The following EYS variants were observed in gnomAD, a reference collection of about 807,000 sequenced individuals.
EYS encodes the protein EGF-like photoreceptor maintenance factor.
In EYS, 250 loss-of-function variants were observed where a neutral mutation model predicts 282.1. The ratio of observed to expected loss-of-function variants is 0.89; its 90% CI spans 0.80 to 0.98. The LOEUF (loss-of-function observed/expected upper bound fraction) is 0.98. Ranked by LOEUF, EYS falls within the 50% of genes least tolerant of loss-of-function variation. The probability of loss-of-function intolerance (pLI) is 0.00; values close to 1 mark genes in which losing one functional copy is unlikely to be tolerated. For synonymous variants in EYS, 1,355 were observed against 1,282.9 expected (o/e 1.06, Z -1.20); for missense variants, 4,016 against 3,709.0 (o/e 1.08, Z -2.15).
intron 12 of EYS, among the ~76,000 whole-genome samples, chr6:65,272,525 T>C (rs1220976126): frequency 6.6e-6 from 1 of 152,150 alleles, no homozygotes; most frequent in African/African-American, 2.4e-5. Flanking sequence ...AATCTAATCA[T>C]GTTCCAGAGT....
chr6:64,964,361 C>A (rs1220425024), intron 14 of EYS, among the ~76,000 whole-genome samples: 1 of 152,018 alleles, frequency 6.6e-6, no homozygotes, highest in Non-Finnish European at 1.5e-5. Context: ...ATTCCTTATT[C>A]CTTAAAGGAA....
chr6:65,463,735 T>A (rs1309441421), intron 5 of EYS, among the ~76,000 whole-genome samples: 1 of 152,182 alleles, frequency 6.6e-6, no homozygotes, highest in East Asian at 1.9e-4. Context: ...TATAATTATG[T>A]AAATGACAAC....
rs1271980725 is a variant in EYS, at chr6:65,558,680, C to T, written c.-332-62687G>A. 6.6e-5 allele frequency among the ~76,000 whole-genome samples: 10 copies of T among 152,184 alleles called. No individual in the cohort carries two copies. The South Asian group carries it at 1.0e-3, about 16-fold the overall frequency. ...AAGAATACAGCAAGAAACACAACTT[C>T]GGATATAGCAAAAAGAAAAATGGGA... On this transcript the variant is annotated intron_variant, in intron 2 of 42. Coordinates refer to ENST00000503581, the MANE Select transcript of EYS (RefSeq NM_001142800.2).
intron 36 of EYS, among the ~76,000 whole-genome samples, chr6:63,829,685 G>A (rs1055689442): frequency 1.3e-5 from 2 of 152,182 alleles, no homozygotes; most frequent in African/African-American, 2.4e-5. Context: ...AGACTTAAAC[G>A]TCCCTGTCTG....
intron 12 of EYS, among the ~76,000 whole-genome samples, chr6:65,109,326 T>C (rs1401992646): frequency 2.0e-5 from 3 of 152,100 alleles, no homozygotes; most frequent in African/African-American, 7.2e-5. Flanking sequence ...ATTATAGCTA[T>C]TATAAAAGTT....
chr6:63,842,864 A>G (rs963107901), intron 36 of EYS, among the ~76,000 whole-genome samples: 4 of 152,064 alleles, frequency 2.6e-5, no homozygotes, highest in African/African-American at 9.7e-5. Flanking sequence ...TAAATAGGGA[A>G]TTTTTTCCCC....
intron 28 of EYS, chr6:64,400,457 A>G (rs544788843): frequency 2.6e-5 from 4 of 152,176 alleles, no homozygotes; most frequent in Admixed American, 2.6e-4. Flanking sequence ...ATACCTACGT[A>G]GGCCATCAGG....
At chr6:63,866,185 G>A (rs12191204) in intron 35 of EYS, among the ~76,000 whole-genome samples, 56,330 of 151,892 alleles carry the variant, frequency 0.37, 10,928 homozygotes, top group South Asian at 0.47. Context: ...TGAGAATAGC[G>A]ATAAAAGCAC....
intron 14 of EYS, among the ~76,000 whole-genome samples, chr6:64,952,427 C>A (rs527696556): frequency 6.6e-6 from 1 of 152,094 alleles, no homozygotes; most frequent in Admixed American, 6.6e-5. Context: ...AGAAGTACAG[C>A]ACTGAGTATA....
chr6:65,698,101 T>G (rs1200123064), intron 1 of EYS, among the ~76,000 whole-genome samples: 3 of 152,112 alleles, frequency 2.0e-5, no homozygotes, highest in Non-Finnish European at 2.9e-5. Flanking sequence ...GGGGAAGGAA[T>G]GTATTATTTC....
At chr6:65,133,007 G>A (rs1039444436) in intron 12 of EYS, among the ~76,000 whole-genome samples, 1 of 151,916 alleles carries the variant, frequency 6.6e-6, no homozygotes. Context: ...AGCTAATCAG[G>A]GAAGTGAAAG....
At chr6:64,807,082 T>C (rs1204872208) in intron 22 of EYS, among the ~76,000 whole-genome samples, 1 of 152,136 alleles carries the variant, frequency 6.6e-6, no homozygotes, top group Non-Finnish European at 1.5e-5. Flanking sequence ...TTAATAATAC[T>C]TATGGATTTC....
At position 63,977,967 on chromosome 6, in the gene EYS, T is replaced by G. The variant is rs183213511; in HGVS notation, c.7055+6416A>C. Among the ~76,000 whole-genome samples the G allele has an allele frequency of 8.5e-5, 13 of 152,096 alleles. No individual in the cohort carries two copies. In the East Asian group the frequency reaches 2.5e-3, roughly 30 times the overall value. On this transcript the variant is annotated intron_variant, in intron 35 of 42. Transcript: ENST00000503581. Reference sequence around the variant, plus strand: ...GGGCTGATGACCACTAAATTGGATATGAGACAGAAGTTTTTAATTGGTGTA... The same window carrying G: ...GGGCTGATGACCACTAAATTGGATAGGAGACAGAAGTTTTTAATTGGTGTA...
At chr6:64,628,605 T>G (rs1257038857) in intron 22 of EYS, among the ~76,000 whole-genome samples, 2 of 152,128 alleles carry the variant, frequency 1.3e-5, no homozygotes, top group Non-Finnish European at 2.9e-5. Context: ...AAAATGGACA[T>G]TTTCTCTGTG....
intron 12 of EYS, among the ~76,000 whole-genome samples, chr6:65,255,080 G>T (rs1767425029): frequency 6.6e-6 from 1 of 151,640 alleles, no homozygotes; most frequent in African/African-American, 2.4e-5. Flanking sequence ...AAGCCATCCT[G>T]AGCAAAAAGA....
intron 41 of EYS, chr6:63,744,978 T>C (rs1204976873): frequency 4.6e-6 from 2 of 435,910 alleles, no homozygotes; most frequent in Non-Finnish European, 9.1e-6. Flanking sequence ...CCAAAAATGT[T>C]GGATAAATTA....
intron 12 of EYS, among the ~76,000 whole-genome samples, chr6:65,183,929 T>C (rs1247385286): frequency 6.6e-6 from 1 of 151,926 alleles, no homozygotes; most frequent in African/African-American, 2.4e-5. Context: ...ATACAGTGTG[T>C]CTATACTGCA....
At chr6:63,908,487 A>G (rs1012646128) in intron 35 of EYS, among the ~76,000 whole-genome samples, 2 of 151,918 alleles carry the variant, frequency 1.3e-5, no homozygotes, top group African/African-American at 2.4e-5. Context: ...GTCTCGTTCT[A>G]TTGCCTAGGC....
chr6:64,318,949 A>T (rs1049336011), intron 29 of EYS, among the ~76,000 whole-genome samples: 1 of 151,952 alleles, frequency 6.6e-6, no homozygotes, highest in African/African-American at 2.4e-5. Flanking sequence ...TCTAAAAGAT[A>T]CAACCAATTA....
Sources: allele counts gnomAD v4.1 joint callset (sites outside exome capture counted in the v4.1 genomes callset), GRCh38; gene constraint gnomAD v4.1.1; transcripts MANE v1.5; gene names NCBI Gene and HGNC (gene_info 2026-07-23, HGNC 2026-07-21).